CDIN1: variants seen among roughly 807,000 people sequenced by gnomAD.
CDIN1 encodes CDAN1 interacting nuclease 1, also known as CDAN1-interacting nuclease 1.
Under a neutral mutation model 45.3 loss-of-function variants are expected in CDIN1, and 33 were observed. That is an observed-to-expected ratio of 0.73 (90% CI 0.55 to 0.97). The LOEUF is 0.97. Among genes scored for constraint, CDIN1 ranks in the 50% least tolerant of loss-of-function variants. The pLI is 0.00. For synonymous variants in CDIN1, 118 were observed against 124.4 expected (o/e 0.95, Z 0.34); for missense variants, 303 against 339.4 (o/e 0.89, Z 0.84).
intron 8 of CDIN1, chr15:36,707,836 T>G (rs891178792): frequency 1.9e-4 from 29 of 152,304 alleles, no homozygotes; most frequent in African/African-American, 6.7e-4. Flanking sequence ...CCAATCTTCT[T>G]CATCTACAGC....
intron 1 of CDIN1, among the ~76,000 whole-genome samples, chr15:36,620,033 G>T (rs1490682747): frequency 6.6e-6 from 1 of 152,082 alleles, no homozygotes; most frequent in Admixed American, 6.5e-5. Context: ...TGATACTCAA[G>T]GAAAGAATGG....
At chr15:36,628,302 A>T (rs1177042051) in intron 1 of CDIN1, among the ~76,000 whole-genome samples, 3 of 152,174 alleles carry the variant, frequency 2.0e-5, no homozygotes, top group Non-Finnish European at 4.4e-5. Context: ...TAGAAATGGA[A>T]TCATGTGGTA....
chr15:36,584,192 T>G (rs926424452), intron 1 of CDIN1, among the ~76,000 whole-genome samples: 5 of 152,126 alleles, frequency 3.3e-5, no homozygotes, highest in African/African-American at 1.2e-4. Context: ...CAAAGTGAAA[T>G]TTGTGAGAAG....
intron 10 of CDIN1, among the ~76,000 whole-genome samples, chr15:36,802,313 T>C (rs764585945): frequency 6.6e-6 from 1 of 152,160 alleles, no homozygotes; most frequent in Non-Finnish European, 1.5e-5. Context: ...TTGTTGTTGA[T>C]TATTGAGATC....
chr15:36,651,576 T>C (rs1415742756), intron 3 of CDIN1, among the ~76,000 whole-genome samples: 1 of 152,134 alleles, frequency 6.6e-6, no homozygotes, highest in Non-Finnish European at 1.5e-5. Context: ...ACTTATGAGG[T>C]GCTACAGGTA....
At chr15:36,735,345 G>A (rs1180041281) in intron 10 of CDIN1, among the ~76,000 whole-genome samples, 1 of 152,066 alleles carries the variant, frequency 6.6e-6, no homozygotes, top group Non-Finnish European at 1.5e-5. Flanking sequence ...AAAATTTAAT[G>A]TTGATCTTTG....
chr15:36,713,831 G>A (rs955825338), intron 10 of CDIN1, among the ~76,000 whole-genome samples: 1 of 152,130 alleles, frequency 6.6e-6, no homozygotes, highest in Admixed American at 6.5e-5. Flanking sequence ...CTAGGATTGG[G>A]TTTGATGCGC....
In CDIN1 at chr15:36,664,346, C is replaced by T. The variant is rs140856150; in HGVS notation, c.346+6441C>T. Among the ~76,000 whole-genome samples, 77 of 152,266 alleles carry T rather than the reference C, an allele frequency of 5.1e-4. 1 individual carries two copies. The East Asian group carries it at 6.8e-3, about 13-fold the overall frequency. On this transcript the variant is annotated intron_variant, in intron 5 of 10. Coordinates refer to ENST00000566621, the MANE Select transcript of CDIN1 (RefSeq NM_001321759.2). ...CAATTTCAAATAGGAGGAAGCACTC[C>T]GCATTCTACATGTGAACCCTCATTT...
Position 36,753,181 on chromosome 15 carries a change from CAAAT to C in CDIN1, c.716+43225_716+43228del, listed in dbSNP as rs143999326. On this transcript the variant is annotated intron_variant, in intron 10 of 10. Transcript: ENST00000566621. ...AATTTCAGCAATTGAACAACAGTAT[CAAAT>C]AAATTCATTTTAGGAACTCTCCTAA... 2.7e-3 allele frequency among the ~76,000 whole-genome samples: 406 copies of C among 152,262 alleles called. 6 individuals are homozygous for C. Among genetic ancestry groups the C allele is most frequent in the African/African-American group, 9.5e-3 (393 of 41,546 alleles).
chr15:36,677,505 A>T (rs1231101225), intron 5 of CDIN1, among the ~76,000 whole-genome samples: 1 of 152,166 alleles, frequency 6.6e-6, no homozygotes, highest in African/African-American at 2.4e-5. Flanking sequence ...GATGAGCCTC[A>T]ATCTACTTCC....
chr15:36,583,332 A>G (rs370075072), intron 1 of CDIN1, among the ~76,000 whole-genome samples: 30 of 152,006 alleles, frequency 2.0e-4, no homozygotes, highest in East Asian at 1.2e-3. Context: ...ATGTAGCTTA[A>G]TTTTTTCTCC....
At chr15:36,581,404 T>TA in intron 1 of CDIN1, among the ~76,000 whole-genome samples, 1 of 152,350 alleles carries the variant, frequency 6.6e-6, no homozygotes, top group Non-Finnish European at 1.5e-5. Context: ...AATCAACACT[T>TA]ACAAAAGCCT....
rs377056182 is a variant in CDIN1 at position 36,803,962 on chromosome 15, T to C, written c.717-4362T>C. 2.6e-5 allele frequency among the ~76,000 whole-genome samples: 4 copies of C among 152,314 alleles called. No homozygotes were observed. In the East Asian group the frequency reaches 7.7e-4, roughly 29 times the overall value. The stretch of plus-strand genomic sequence containing the variant: ...TTTCTGGTTAAAGTCTAACATTCTA[T>C]CACCCTGTTTAGTAAACCGATCACT... On this transcript the variant is annotated intron_variant, in intron 10 of 10. Transcript: ENST00000566621.
At chr15:36,697,905 TAC>T (rs1023757287) in intron 8 of CDIN1, among the ~76,000 whole-genome samples, 9 of 152,150 alleles carry the variant, frequency 5.9e-5, no homozygotes, top group African/African-American at 2.2e-4. Context: ...GTTTGTGTAT[TAC>T]AGATTATTTC....
At chr15:36,676,144 C>G (rs1366169754) in intron 5 of CDIN1, among the ~76,000 whole-genome samples, 5 of 152,130 alleles carry the variant, frequency 3.3e-5, no homozygotes, top group African/African-American at 1.2e-4. Flanking sequence ...GGAAATGTTT[C>G]TTTCAGCATA....
At chr15:36,794,061 A>ATTTTTTTT (rs71126238) in intron 10 of CDIN1, among the ~76,000 whole-genome samples, 1 of 121,300 alleles carries the variant, frequency 8.2e-6, no homozygotes, top group Non-Finnish European at 1.6e-5. Context: ...CATCATAACT[A>ATTTTTTTT]TTTTTTTTTT....
At chr15:36,654,962 C>T (rs551300985) in intron 4 of CDIN1, among the ~76,000 whole-genome samples, 1 of 152,274 alleles carries the variant, frequency 6.6e-6, no homozygotes, top group East Asian at 1.9e-4. Flanking sequence ...ATGAAATGTA[C>T]ACTGTTTTTG....
At chr15:36,627,791 C>T (rs2039504801) in intron 1 of CDIN1, 1 of 152,384 alleles carries the variant, frequency 6.6e-6, no homozygotes. Context: ...CCTGGCAGGC[C>T]CAACCTGGGG....
At chr15:36,711,006 G>A (rs191712696) in intron 10 of CDIN1, among the ~76,000 whole-genome samples, 16 of 152,260 alleles carry the variant, frequency 1.1e-4, no homozygotes, top group Admixed American at 5.2e-4. Flanking sequence ...GTAATTGTGC[G>A]TGGCATCCGA....
Sources: allele counts gnomAD v4.1 joint callset (sites outside exome capture counted in the v4.1 genomes callset), GRCh38; gene constraint gnomAD v4.1.1; transcripts MANE v1.5; gene names NCBI Gene and HGNC (gene_info 2026-07-23, HGNC 2026-07-21).